MORC4: variants seen among roughly 807,000 people sequenced by gnomAD.
MORC4 encodes MORC family CW-type zinc finger protein 4.
A neutral mutation model predicts 65.5 loss-of-function variants in MORC4; 22 were observed. The ratio of observed to expected loss-of-function variants is 0.34; its 90% CI spans 0.24 to 0.48. MORC4 has a LOEUF of 0.48. Among genes scored for constraint, MORC4 ranks in the 20% least tolerant of loss-of-function variants. The pLI, the probability that MORC4 is intolerant of heterozygous loss-of-function variation, is 0.99. For synonymous variants in MORC4, 267 were observed against 255.8 expected, an observed-to-expected ratio of 1.04 and a Z score of -0.42; for missense variants, 624 against 703.0, an observed-to-expected ratio of 0.89 and a Z score of 1.27.
At chrX:106,977,983 G>A (rs144338949) in intron 8 of MORC4, 97 bp downstream of exon 8, 1 of 889,154 alleles carries the variant, frequency 1.1e-6, no homozygotes, top group East Asian at 3.2e-5. Context: ...CATAAGATGG[G>A]AGTAAAAGCC....
At chrX:106,950,957 C>T (rs1933952878) in intron 14 of MORC4, among the ~76,000 whole-genome samples, 1 of 112,043 alleles carries the variant, frequency 8.9e-6, no homozygotes, top group Admixed American at 9.4e-5. Flanking sequence ...AATATTTCTC[C>T]CTTTGCTGTG....
intron 3 of MORC4, among the ~76,000 whole-genome samples, chrX:106,988,500 G>A (rs1934918188): frequency 9.0e-6 from 1 of 111,547 alleles, no homozygotes; most frequent in Admixed American, 9.5e-5. Flanking sequence ...TGTTGTTACT[G>A]TGTTTCACTT....
intron 9 of MORC4, among the ~76,000 whole-genome samples, chrX:106,975,685 T>A (rs1217652039): frequency 9.0e-6 from 1 of 110,978 alleles, no homozygotes; most frequent in African/African-American, 3.3e-5. Flanking sequence ...ACTCCCAGAA[T>A]ACCTCTTACC....
chrX:106,992,455 G>C (rs1043577655), intron 3 of MORC4, among the ~76,000 whole-genome samples: 2 of 112,564 alleles, frequency 1.8e-5, no homozygotes, highest in Non-Finnish European at 1.9e-5. Context: ...GAAGGAAGGA[G>C]TTGAAGGAAT....
At chrX:106,995,338 GC>G (rs1341174050) in intron 2 of MORC4, among the ~76,000 whole-genome samples, 1 of 111,648 alleles carries the variant, frequency 9.0e-6, no homozygotes, top group Non-Finnish European at 1.9e-5. Flanking sequence ...AGGCTAAAAA[GC>G]CAAACACTGG....
intron 3 of MORC4, among the ~76,000 whole-genome samples, chrX:106,989,501 A>G (rs1203476940): frequency 8.9e-6 from 1 of 112,216 alleles, no homozygotes; most frequent in Non-Finnish European, 1.9e-5. Context: ...GGTCAAATAG[A>G]ACTTCTGTAG....
In MORC4 at chrX:106,966,984, A is replaced by G. The variant is rs1345571220; in HGVS notation, c.1158-4874T>C. ...CAAGCACAGCGTTCAAGTTCTGATA[A>G]CGGACAGACTGCCTCCTCAAGTAAG... On this transcript the variant is annotated intron_variant, in intron 9 of 16. Coordinates refer to ENST00000355610, the MANE Select transcript of MORC4 (RefSeq NM_024657.5). Among the ~76,000 whole-genome samples the G allele has an allele frequency of 2.7e-5, 3 of 112,115 alleles. No homozygotes were observed. In the Admixed American group the frequency reaches 2.8e-4, roughly 11 times the overall value.
At chrX:106,976,148 A>G (rs2147818682) in intron 9 of MORC4, among the ~76,000 whole-genome samples, 1 of 111,992 alleles carries the variant, frequency 8.9e-6, no homozygotes, top group South Asian at 3.7e-4. Context: ...TAGATGCTTT[A>G]ATGAAAGCAC....
At chrX:106,994,873 AAT>A (rs1907834975) in intron 2 of MORC4, among the ~76,000 whole-genome samples, 1 of 111,481 alleles carries the variant, frequency 9.0e-6, no homozygotes, top group Non-Finnish European at 1.9e-5. Context: ...TAATTCACAT[AAT>A]AGTTGTACAT....
intron 14 of MORC4, among the ~76,000 whole-genome samples, chrX:106,945,409 C>G (rs1244560148): frequency 1.6e-5 from 1 of 61,125 alleles, no homozygotes. Flanking sequence ...GCATCACTTA[C>G]TACTTTGTGT....
intron 3 of MORC4, among the ~76,000 whole-genome samples, 176 bp from the exon 4 acceptor site, chrX:106,986,376 G>GGAAATTACTATGGGGTAATGGGAC (rs1934871385): frequency 8.9e-6 from 1 of 111,835 alleles, no homozygotes; most frequent in Admixed American, 9.5e-5. Context: ...TAAAAACATA[G>GGAAATTACTATGGGGTAATGGGAC]GAAATTACTA....
chrX:106,985,626 T>A (rs1934853852), intron 4 of MORC4, among the ~76,000 whole-genome samples: 1 of 110,123 alleles, frequency 9.1e-6, no homozygotes, highest in Admixed American at 9.7e-5. Flanking sequence ...TTATATAAGC[T>A]GATAAATAGT....
At chrX:106,993,674 T>C (rs1935024295) in intron 2 of MORC4, among the ~76,000 whole-genome samples, 1 of 112,290 alleles carries the variant, frequency 8.9e-6, no homozygotes, top group African/African-American at 3.2e-5. Context: ...AGCATTTTGC[T>C]CCATTTTTGT....
At chrX:106,981,199 G>A (rs1934733671) in intron 6 of MORC4, 146 bp downstream of exon 6, 5 of 807,800 alleles carry the variant, frequency 6.2e-6, no homozygotes, top group South Asian at 2.6e-5. Flanking sequence ...TTATCTAAAC[G>A]GTCTCAATGG....
At chrX:106,983,758 C>A (rs1360506347) in intron 5 of MORC4, among the ~76,000 whole-genome samples, 1 of 105,905 alleles carries the variant, frequency 9.4e-6, no homozygotes, top group Non-Finnish European at 1.9e-5. Context: ...GTTGCCCAGG[C>A]TGGTCTCAAA....
At chrX:106,958,162 A>C (rs193283666) in intron 11 of MORC4, among the ~76,000 whole-genome samples, 174 bp downstream of exon 11, 1 of 112,093 alleles carries the variant, frequency 8.9e-6, no homozygotes, top group East Asian at 2.8e-4. Flanking sequence ...GCTCAAGTAC[A>C]AAGTTTGTGT....
chrX:106,942,286 A>G, intron 15 of MORC4, 65 bp from the exon 16 acceptor site: 12 of 1,118,329 alleles, frequency 1.1e-5, no homozygotes, highest in Non-Finnish European at 1.4e-5. Flanking sequence ...CGTTCCTCAT[A>G]TGGTCATCCT....
intron 2 of MORC4, among the ~76,000 whole-genome samples, chrX:106,994,263 C>A (rs916239705): frequency 8.9e-6 from 1 of 111,927 alleles, no homozygotes; most frequent in African/African-American, 3.2e-5. Context: ...CAATCACTGA[C>A]AAATGTGGCT....
rs778696701 is a variant in MORC4 at position 106,950,631 on chromosome X, A to G, written c.1685+4282T>C. On this transcript the variant is annotated intron_variant, in intron 14 of 16. Coordinates refer to ENST00000355610, the MANE Select transcript of MORC4 (RefSeq NM_024657.5). ...GTTCCTTTGTGAGTGCTCCCACCCTATAAGTGAGGGCTTTGTTGGGGAAGA... is the reference window on the plus strand; with the variant it reads ...GTTCCTTTGTGAGTGCTCCCACCCTGTAAGTGAGGGCTTTGTTGGGGAAGA... Among the ~76,000 whole-genome samples, 10 of 112,088 alleles carry G rather than the reference A, an allele frequency of 8.9e-5. No homozygotes were observed. The South Asian group carries it at 1.1e-3, about 13-fold the overall frequency.
Sources: allele counts gnomAD v4.1 joint callset (sites outside exome capture counted in the v4.1 genomes callset), GRCh38; gene constraint gnomAD v4.1.1; transcripts MANE v1.5; gene names NCBI Gene and HGNC (gene_info 2026-07-23, HGNC 2026-07-21).